The following UVRAG variants were observed in gnomAD, a reference collection of about 807,000 sequenced individuals.
UVRAG encodes the protein UV radiation resistance associated.
Under a neutral mutation model 78.0 loss-of-function variants are expected in UVRAG, and 19 were observed. The observed-to-expected ratio is 0.24, with a 90% confidence interval of 0.17 to 0.36. UVRAG has a LOEUF of 0.36. Ranked by LOEUF, UVRAG falls within the 10% of genes least tolerant of loss-of-function variation. The pLI is 1.00. For synonymous variants in UVRAG, 323 were observed against 324.6 expected (o/e 1.00, Z 0.05); for missense variants, 740 against 853.8 (o/e 0.87, Z 1.66).
chr11:75,874,111 C>A (rs1946710849), intron 3 of UVRAG, among the ~76,000 whole-genome samples: 1 of 152,128 alleles, frequency 6.6e-6, no homozygotes, highest in Admixed American at 6.5e-5. Flanking sequence ...TGTGGAGTCT[C>A]CCCAGTTCTT....
At chr11:75,921,467 A>AT (rs1411133957) in intron 6 of UVRAG, among the ~76,000 whole-genome samples, 1 of 152,066 alleles carries the variant, frequency 6.6e-6, no homozygotes, top group Non-Finnish European at 1.5e-5. Flanking sequence ...AGTACTTGGT[A>AT]TTTTTTTCCC....
intron 12 of UVRAG, among the ~76,000 whole-genome samples, chr11:76,038,192 A>G (rs1238526476): frequency 2.0e-5 from 3 of 152,192 alleles, no homozygotes; most frequent in African/African-American, 7.2e-5. Context: ...ATGCTGGAGT[A>G]CAAAAACCTG....
intron 1 of UVRAG, among the ~76,000 whole-genome samples, chr11:75,828,541 A>G (rs1205278851): frequency 1.3e-5 from 2 of 150,986 alleles, no homozygotes; most frequent in Admixed American, 6.6e-5. Flanking sequence ...CAGTGGCGCA[A>G]TCATGGTTCA....
intron 1 of UVRAG, among the ~76,000 whole-genome samples, chr11:75,832,910 C>T (rs1945691720): frequency 6.6e-6 from 1 of 152,168 alleles, no homozygotes; most frequent in South Asian, 2.1e-4. Flanking sequence ...TTCTGTCCCC[C>T]TATACCAAGG....
chr11:75,949,730 CATAT>C (rs1301133127), intron 6 of UVRAG, among the ~76,000 whole-genome samples: 4 of 147,368 alleles, frequency 2.7e-5, no homozygotes, highest in African/African-American at 1.0e-4. Flanking sequence ...CACACACACA[CATAT>C]ACACATATAT....
At chr11:75,975,774 G>A (rs1404936361) in intron 7 of UVRAG, among the ~76,000 whole-genome samples, 6 of 152,182 alleles carry the variant, frequency 3.9e-5, no homozygotes, top group Admixed American at 3.9e-4. Flanking sequence ...GGGCTGAGAT[G>A]ATGGGGTTTT....
intron 12 of UVRAG, among the ~76,000 whole-genome samples, chr11:76,017,348 G>C (rs1591137271): frequency 6.6e-6 from 1 of 152,126 alleles, no homozygotes; most frequent in African/African-American, 2.4e-5. Context: ...ACTAGGAAAA[G>C]ATATAATGGC....
intron 12 of UVRAG, among the ~76,000 whole-genome samples, chr11:76,029,320 G>A (rs886625684): frequency 1.3e-5 from 2 of 151,938 alleles, no homozygotes; most frequent in Non-Finnish European, 2.9e-5. Flanking sequence ...TATCCATTCC[G>A]CAACCCATGG....
intron 2 of UVRAG, among the ~76,000 whole-genome samples, chr11:75,852,504 T>C (rs1296531363): frequency 1.3e-5 from 2 of 152,134 alleles, no homozygotes; most frequent in African/African-American, 2.4e-5. Flanking sequence ...AAATATTTGA[T>C]TAAAAATGGC....
chr11:76,079,474 C>A (rs1951459652), intron 13 of UVRAG, among the ~76,000 whole-genome samples: 1 of 150,830 alleles, frequency 6.6e-6, no homozygotes, highest in African/African-American at 2.4e-5. Context: ...GACAGTGAAA[C>A]CCTGTCTCAA....
intron 12 of UVRAG, among the ~76,000 whole-genome samples, chr11:76,045,987 G>A (rs1248843771): frequency 6.6e-6 from 1 of 151,960 alleles, no homozygotes; most frequent in East Asian, 1.9e-4. Flanking sequence ...AATTCTAGAG[G>A]TAAAGTGAAG....
intron 7 of UVRAG, among the ~76,000 whole-genome samples, chr11:75,978,382 T>G (rs553140270): frequency 4.6e-5 from 7 of 152,342 alleles, no homozygotes; most frequent in African/African-American, 1.4e-4. Flanking sequence ...CTTTGTGGTG[T>G]TCTCTGTATT....
intron 1 of UVRAG, among the ~76,000 whole-genome samples, chr11:75,833,833 G>A (rs535639890): frequency 6.6e-6 from 1 of 152,372 alleles, no homozygotes; most frequent in East Asian, 1.9e-4. Context: ...GATCGCTCAT[G>A]TTATTGTTTG....
intron 13 of UVRAG, among the ~76,000 whole-genome samples, chr11:76,092,656 A>T (rs1189571630): frequency 6.6e-6 from 1 of 152,108 alleles, no homozygotes; most frequent in African/African-American, 2.4e-5. Context: ...GTGTCTGTTC[A>T]TATCCTTCAC....
At chr11:76,027,471 G>C (rs1027598877) in intron 12 of UVRAG, among the ~76,000 whole-genome samples, 6 of 151,912 alleles carry the variant, frequency 3.9e-5, no homozygotes, top group African/African-American at 1.5e-4. Context: ...ATTTAAACTT[G>C]ACAAAATTTT....
chr11:75,858,682 G>A (rs944156956), intron 2 of UVRAG, among the ~76,000 whole-genome samples: 81 of 152,312 alleles, frequency 5.3e-4, no homozygotes, highest in African/African-American at 1.8e-3. Flanking sequence ...TAGATATTGC[G>A]AAATTGCCCT....
chr11:75,819,287 G>C (rs962062287), intron 1 of UVRAG, among the ~76,000 whole-genome samples: 5 of 152,006 alleles, frequency 3.3e-5, no homozygotes, highest in African/African-American at 1.2e-4. Flanking sequence ...GCTTCTATGT[G>C]ATCTTACTTT....
At chr11:76,040,239 C>T (rs1027236879) in intron 12 of UVRAG, among the ~76,000 whole-genome samples, 8 of 151,770 alleles carry the variant, frequency 5.3e-5, no homozygotes, top group Admixed American at 1.3e-4. Flanking sequence ...AAGAAGCGGC[C>T]GGGCATGGTG....
intron 1 of UVRAG, among the ~76,000 whole-genome samples, chr11:75,833,534 G>T (rs904806505): frequency 6.6e-5 from 10 of 152,102 alleles, no homozygotes; most frequent in African/African-American, 2.4e-4. Context: ...GCCGAGACCA[G>T]CTCGGTCAGG....
Sources: gnomAD v4.1 joint callset for allele counts (sites outside exome capture counted in the v4.1 genomes callset) on GRCh38, gnomAD v4.1.1 for gene constraint, MANE v1.5 for transcripts, NCBI Gene and HGNC (gene_info 2026-07-23, HGNC 2026-07-21) for gene names.